The following SEMA3F variants were observed in gnomAD, a reference collection of about 807,000 sequenced individuals.
SEMA3F encodes the protein semaphorin-3F.
A neutral mutation model predicts 98.5 loss-of-function variants in SEMA3F; 30 were observed. The observed-to-expected ratio is 0.30, with a 90% CI of 0.23 to 0.41. The LOEUF (loss-of-function observed/expected upper bound fraction) is 0.41, where lower values mean the gene tolerates loss of function less well. Ranked by LOEUF, SEMA3F falls within the 10% of genes least tolerant of loss-of-function variation. The probability of loss-of-function intolerance (pLI) is 1.00; values close to 1 mark genes in which losing one functional copy is unlikely to be tolerated. For synonymous variants in SEMA3F, 380 were observed against 444.8 expected (o/e 0.85, Z 1.83); for missense variants, 866 against 1,119.3 (o/e 0.77, Z 3.23).
chr3:50,180,959 T>TGGGAGGCTGAGGCAAGAGAGTTGC (rs1286455127), intron 7 of SEMA3F, among the ~76,000 whole-genome samples: 4 of 151,458 alleles, frequency 2.6e-5, no homozygotes, highest in Non-Finnish European at 2.9e-5. Context: ...CCCAGCTACT[T>TGGGAGGCTGAGGCAAGAGAGTTGC]GGGAGGCTGA....
chr3:50,177,648 C>T (rs886210602), intron 7 of SEMA3F, among the ~76,000 whole-genome samples: 1 of 152,196 alleles, frequency 6.6e-6, no homozygotes, highest in Admixed American at 6.5e-5. Flanking sequence ...CCTGGGGGAG[C>T]CTCAGATGTG....
chr3:50,161,647 G>A (rs147443541), intron 2 of SEMA3F, among the ~76,000 whole-genome samples: 2 of 152,322 alleles, frequency 1.3e-5, no homozygotes, highest in African/African-American at 4.8e-5. Context: ...ACCTGGTCTC[G>A]TGTCCTAATT....
intron 2 of SEMA3F, among the ~76,000 whole-genome samples, chr3:50,160,595 C>G (rs1265467709): frequency 6.6e-6 from 1 of 152,158 alleles, no homozygotes; most frequent in Admixed American, 6.5e-5. Context: ...GCCTGGGGGA[C>G]CTGGGGTCAT....
At position 50,186,519 on chromosome 3, in the gene SEMA3F, T is replaced by C. The variant is rs1699219978; in HGVS notation, c.1814-94T>C. The stretch of plus-strand genomic sequence containing the variant: ...TGCCCCATCAACACAGAGCACTACA[T>C]TGGTGAGTGGGTGCCCCTCGGTGCC... On this transcript the variant is annotated intron_variant, in intron 17 of 18. Coordinates refer to ENST00000002829, the MANE Select transcript of SEMA3F (RefSeq NM_004186.5). 3.3e-6 allele frequency: 5 copies of C among 1,495,700 alleles called. No homozygotes were observed. In the African/African-American group the frequency reaches 5.5e-5, roughly 16 times the overall value. The allele number at this position is 1,495,700 out of a possible 1,614,324, so 92.7% of individuals were successfully genotyped here. A position where few individuals can be genotyped will look rare whatever the true frequency, so the allele number is the denominator to read the frequency against.
chr3:50,160,075 G>A (rs1441308004), intron 2 of SEMA3F, among the ~76,000 whole-genome samples: 2 of 152,176 alleles, frequency 1.3e-5, no homozygotes, highest in East Asian at 3.9e-4. Flanking sequence ...TATGTCTGCT[G>A]CGGCCCCTCC....
chr3:50,178,563 A>C (rs1406135171), intron 7 of SEMA3F, among the ~76,000 whole-genome samples: 2 of 151,388 alleles, frequency 1.3e-5, no homozygotes, highest in Non-Finnish European at 2.9e-5. Flanking sequence ...CTCTACTAAA[A>C]ATACAAAAAT....
chr3:50,180,240 C>G (rs960126037), intron 7 of SEMA3F, among the ~76,000 whole-genome samples: 2 of 152,032 alleles, frequency 1.3e-5, no homozygotes, highest in Admixed American at 6.6e-5. Context: ...ACCTCCACCC[C>G]CCGACTCCCT....
In SEMA3F at chr3:50,182,310, A is replaced by G. The variant is rs1699042144; in HGVS notation, c.670A>G (p.Ile224Val). The change falls in exon 8 of 19, where the codon ATC becomes GTC. Residue 224 changes from isoleucine to valine, a missense_variant. Ile to Val is a conservative substitution (Grantham distance 29). This residue lies in a region of SEMA3F where 374 missense variants were observed against 582.8 expected (regional missense o/e 0.64). Coordinates refer to ENST00000002829, the MANE Select transcript of SEMA3F (RefSeq NM_004186.5). The surrounding 1 kb of genome is among the most constrained non-coding windows in gnomAD (Gnocchi z 4.5). ...TGAGGAGCTCTATGCTGGTGTGTAC[A>G]TCGATTTTATGGGCACTGATGCAGC... Reference protein sequence around the residue: ...INEELYAGVYIDFMGTDAAIF... With the variant: ...INEELYAGVYVDFMGTDAAIF... The G allele has an allele frequency of 8.1e-6, 13 of 1,614,062 alleles. 1 individual carries two copies. Among genetic ancestry groups the G allele is most frequent in the South Asian group, 3.3e-5 (3 of 91,082 alleles).
intron 2 of SEMA3F, among the ~76,000 whole-genome samples, chr3:50,171,803 G>A (rs1205423005): frequency 1.3e-5 from 2 of 152,182 alleles, no homozygotes; most frequent in African/African-American, 4.8e-5. Context: ...GGACTTCAGA[G>A]GCGCCGCTGG....
At chr3:50,186,559 C>A in intron 17 of SEMA3F, 54 bp from the exon 18 acceptor site, 1 of 1,560,264 alleles carries the variant, frequency 6.4e-7, no homozygotes, top group South Asian at 1.2e-5. Context: ...CCGAAGCAGT[C>A]AGCAGGCTGC....
intron 11 of SEMA3F, 43 bp downstream of exon 11, chr3:50,183,298 G>A (rs376292896): frequency 2.8e-5 from 45 of 1,608,882 alleles, no homozygotes; most frequent in Non-Finnish European, 3.7e-5. Context: ...GAGTGGCCCC[G>A]TTGGGGGATT....
Position 50,188,105 on chromosome 3 carries a change from C to G in SEMA3F, c.2348C>G (p.Pro783Arg). 2 of 1,519,714 alleles carry G rather than the reference C, an allele frequency of 1.3e-6. No individual in the cohort carries two copies. Among genetic ancestry groups the G allele is most frequent in the South Asian group, 2.5e-5 (2 of 79,078 alleles). The allele number at this position is 1,519,714 out of a possible 1,614,324, so 94.1% of individuals were successfully genotyped here. Residue 783 changes from proline to arginine, a missense_variant, in exon 19 of 19, where the codon CCG (proline) becomes CGG (arginine). Physicochemically the swap from Pro to Arg is moderately radical, Grantham distance 103 (BLOSUM62 -2). Coordinates refer to ENST00000002829, the MANE Select transcript of SEMA3F (RefSeq NM_004186.5). The surrounding 1 kb of genome is among the most constrained non-coding windows in gnomAD (Gnocchi z 4.5). ...KKPRNRRHHP[P>R]DT ...CCCCGGAACCGCCGGCACCACCCTC[C>G]GGACACATGAGGCCAGCTGCCTGTG...
chr3:50,170,899 T>C (rs544880396), intron 2 of SEMA3F, among the ~76,000 whole-genome samples: 95 of 152,280 alleles, frequency 6.2e-4, no homozygotes, highest in Middle Eastern at 3.4e-3. Flanking sequence ...CCGCAGGTCC[T>C]GAGTCATGTG....
chr3:50,172,290 G>C (rs1698642688), intron 2 of SEMA3F, among the ~76,000 whole-genome samples: 1 of 152,182 alleles, frequency 6.6e-6, no homozygotes, highest in South Asian at 2.1e-4. Flanking sequence ...GCTATCTTAA[G>C]CCCCCTGTGT....
intron 7 of SEMA3F, 141 bp downstream of exon 7, chr3:50,177,002 G>C: frequency 1.4e-6 from 1 of 699,670 alleles, no homozygotes; most frequent in Non-Finnish European, 2.5e-6. Flanking sequence ...CACCTGGCAA[G>C]GGGGAGAGGG....
chr3:50,155,149 T>C, upstream of SEMA3F: 2 of 377,202 alleles, frequency 5.3e-6, no homozygotes, highest in Non-Finnish European at 9.6e-6. This position sits in a 1 kb window ranked among gnomAD's most constrained non-coding sequence, Gnocchi z 4.9. Context: ...AGGACCTGGG[T>C]ACGCCGCGAG....
chr3:50,164,879 CGTT>C (rs1398303179), intron 2 of SEMA3F, among the ~76,000 whole-genome samples: 1 of 152,178 alleles, frequency 6.6e-6, no homozygotes, highest in African/African-American at 2.4e-5. Context: ...ATACTGGCCT[CGTT>C]GTGTTGTCAG....
intron 2 of SEMA3F, among the ~76,000 whole-genome samples, chr3:50,163,124 G>T (rs1309930621): frequency 6.6e-6 from 1 of 152,184 alleles, no homozygotes; most frequent in Admixed American, 6.5e-5. Context: ...GGTGGTGCTG[G>T]AGGCACAGAC....
chr3:50,168,756 T>C (rs1164969896), intron 2 of SEMA3F, among the ~76,000 whole-genome samples: 3 of 151,938 alleles, frequency 2.0e-5, no homozygotes, highest in Non-Finnish European at 2.9e-5. Context: ...CCTGTGGGGG[T>C]ATCCGGTAGG....
Sources: gnomAD v4.1 joint callset for allele counts (sites outside exome capture counted in the v4.1 genomes callset) on GRCh38, gnomAD v4.1.1 for gene constraint, gnomAD v4.1.1 regional missense constraint, Gnocchi (gnomAD v3.1) non-coding constraint, MANE v1.5 for transcripts, NCBI Gene and HGNC (gene_info 2026-07-23, HGNC 2026-07-21) for gene names.